Variants in GBE1 observed in about 807,000 individuals in gnomAD.
The protein encoded by GBE1 is 1,4-alpha-glucan branching enzyme 1, also known as 1,4-alpha-glucan-branching enzyme.
In GBE1, 70 loss-of-function variants were observed where a neutral mutation model predicts 88.8. The ratio of observed to expected loss-of-function variants is 0.79; its 90% confidence interval spans 0.65 to 0.96. The LOEUF (loss-of-function observed/expected upper bound fraction) is 0.96. GBE1 is among the 40% of genes least tolerant of loss of function. The pLI, the probability that GBE1 is intolerant of heterozygous loss-of-function variation, is 0.00. For missense variants in GBE1, 872 were observed against 871.0 expected, an observed-to-expected ratio of 1.00 and a Z score of -0.01; for synonymous variants, 284 against 300.1, an observed-to-expected ratio of 0.95 and a Z score of 0.56.
chr3:81,755,557 T>C (rs574132323), intron 1 of GBE1, among the ~76,000 whole-genome samples: 46 of 152,276 alleles, frequency 3.0e-4, no homozygotes, highest in African/African-American at 1.1e-3. Context: ...ATAGCTAAAA[T>C]ATGGAATTAA....
At chr3:81,674,081 T>C (rs1299192753) in intron 2 of GBE1, among the ~76,000 whole-genome samples, 4 of 151,966 alleles carry the variant, frequency 2.6e-5, no homozygotes, top group Admixed American at 6.6e-5. Context: ...AATAAATCCC[T>C]CTTCAGCTAC....
At chr3:81,757,219 C>CTGGT (rs1706615272) in intron 1 of GBE1, among the ~76,000 whole-genome samples, 1 of 152,140 alleles carries the variant, frequency 6.6e-6, no homozygotes, top group Non-Finnish European at 1.5e-5. Flanking sequence ...GCTGCCCTCT[C>CTGGT]CCTTTATGGC....
chr3:81,557,143 C>T lies in GBE1; in HGVS notation c.1619-20048G>A, dbSNP rs140256784. On this transcript the variant is annotated intron_variant, in intron 12 of 15. Coordinates refer to ENST00000429644, the MANE Select transcript of GBE1 (RefSeq NM_000158.4). ...CAGCCAGGATCAGAATGTAGACAGA[C>T]TGGCTCCAAAGCTGAACTTTTAACC... Among the ~76,000 whole-genome samples, 35 of 152,176 alleles carry T rather than the reference C, an allele frequency of 2.3e-4. No homozygotes were observed. The East Asian group carries it at 6.6e-3, about 29-fold the overall frequency.
chr3:81,639,987 T>G (rs905708491), intron 7 of GBE1, among the ~76,000 whole-genome samples: 4 of 152,236 alleles, frequency 2.6e-5, no homozygotes, highest in African/African-American at 9.6e-5. Flanking sequence ...GTTAAGTCAC[T>G]AAATTTTTGG....
chr3:81,710,725 A>G (rs1189753544), intron 1 of GBE1, among the ~76,000 whole-genome samples: 1 of 152,200 alleles, frequency 6.6e-6, no homozygotes, highest in Non-Finnish European at 1.5e-5. Context: ...TGGCAACACT[A>G]TAGTATACTT....
intron 5 of GBE1, among the ~76,000 whole-genome samples, chr3:81,646,791 A>G (rs1328038992): frequency 6.6e-6 from 1 of 152,178 alleles, no homozygotes; most frequent in African/African-American, 2.4e-5. Flanking sequence ...GCTAAACATC[A>G]GTTACACTTG....
chr3:81,586,893 A>G (rs1703809649), intron 9 of GBE1, among the ~76,000 whole-genome samples: 1 of 151,910 alleles, frequency 6.6e-6, no homozygotes, highest in African/African-American at 2.4e-5. Flanking sequence ...GGTTCAAGCA[A>G]TTCTCCTGCC....
intron 2 of GBE1, among the ~76,000 whole-genome samples, chr3:81,701,146 A>G (rs1254403007): frequency 1.3e-5 from 2 of 152,162 alleles, no homozygotes; most frequent in Non-Finnish European, 2.9e-5. Context: ...AATTCATCTC[A>G]GCCCTTTAAA....
chr3:81,629,106 C>A (rs1197805424), intron 7 of GBE1, among the ~76,000 whole-genome samples: 1 of 138,944 alleles, frequency 7.2e-6, no homozygotes, highest in African/African-American at 2.8e-5. Flanking sequence ...TATACATGTG[C>A]CATGCTGGTG....
rs2107207316 is a variant in GBE1, at chr3:81,733,574, C to T, written c.143+27801G>A. On this transcript the variant is annotated intron_variant, in intron 1 of 15. Coordinates refer to ENST00000429644, the MANE Select transcript of GBE1 (RefSeq NM_000158.4). This position sits in a 1 kb window ranked among gnomAD's most constrained non-coding sequence, Gnocchi z 4.0. The stretch of plus-strand genomic sequence containing the variant: ...CACTGGCCATTTCTTAGGTCTGGTA[C>T]ACTCTTCCACCAGACAGTGCATGAC... 6.6e-6 allele frequency among the ~76,000 whole-genome samples: 1 copy of T among 152,194 alleles called. No homozygotes were observed. The highest frequency in any genetic ancestry group is 2.4e-5 in the African/African-American group (1 of 41,532).
At chr3:81,525,973 A>G (rs892838888) in intron 14 of GBE1, among the ~76,000 whole-genome samples, 6 of 152,076 alleles carry the variant, frequency 3.9e-5, no homozygotes, top group African/African-American at 1.2e-4. Context: ...TGATCTTTTC[A>G]AAAAACCAGC....
Position 81,597,460 on chromosome 3 carries a change from CAAATATATATATATATCTCA to C in GBE1, c.993-3457_993-3438del, listed in dbSNP as rs1361273025. Among the ~76,000 whole-genome samples, 3 of 139,828 alleles carry C rather than the reference CAAATATATATATATATCTCA, an allele frequency of 2.1e-5. No homozygotes were observed. The Admixed American group carries it at 2.2e-4, about 10-fold the overall frequency. The allele number at this position is 139,828 out of a possible 152,430, so 91.7% of individuals were successfully genotyped here. On this transcript the variant is annotated intron_variant, in intron 7 of 15. Transcript: ENST00000429644. ...ATATCTCAAAAATATATATATATCT[CAAATATATATATATATCTCA>C]AAATATATATATATATATATATATA... is the stretch of plus-strand genomic sequence containing the variant.
At chr3:81,657,045 A>T (rs537393942) in intron 3 of GBE1, among the ~76,000 whole-genome samples, 1 of 150,840 alleles carries the variant, frequency 6.6e-6, no homozygotes, top group East Asian at 2.0e-4. Context: ...AGTTCCAGCT[A>T]CTCGGGAGGC....
At chr3:81,650,273 C>T (rs2107075733) in intron 3 of GBE1, 1 of 181,760 alleles carries the variant, frequency 5.5e-6, no homozygotes. Context: ...GGGAGAAAAT[C>T]ATCCTACTCC....
At chr3:81,652,889 C>A (rs1031015587) in intron 3 of GBE1, among the ~76,000 whole-genome samples, 3 of 152,138 alleles carry the variant, frequency 2.0e-5, no homozygotes, top group Non-Finnish European at 2.9e-5. Context: ...GTACATCCTG[C>A]ATTTGTGTTA....
At chr3:81,549,277 C>T (rs908371152) in intron 12 of GBE1, among the ~76,000 whole-genome samples, 1 of 151,330 alleles carries the variant, frequency 6.6e-6, no homozygotes, top group African/African-American at 2.4e-5. Flanking sequence ...ATTCACCCTC[C>T]TCAGCCTCCC....
chr3:81,604,674 T>C (rs551227804), intron 7 of GBE1, among the ~76,000 whole-genome samples: 7 of 152,246 alleles, frequency 4.6e-5, no homozygotes, highest in African/African-American at 1.4e-4. Context: ...AACTGGAAAT[T>C]AAGAACAACA....
intron 14 of GBE1, among the ~76,000 whole-genome samples, chr3:81,533,452 G>A (rs1330696399): frequency 6.6e-6 from 1 of 152,064 alleles, no homozygotes; most frequent in Non-Finnish European, 1.5e-5. Context: ...TAGATGCTCT[G>A]ATGTTATGTG....
chr3:81,747,052 G>A (rs114318202), intron 1 of GBE1, among the ~76,000 whole-genome samples: 247 of 152,002 alleles, frequency 1.6e-3, no homozygotes, highest in Non-Finnish European at 2.3e-3. Context: ...AAATAAACCT[G>A]GACTTAAACC....
Sources: gnomAD v4.1 joint callset for allele counts (sites outside exome capture counted in the v4.1 genomes callset) on GRCh38, gnomAD v4.1.1 for gene constraint, Gnocchi (gnomAD v3.1) non-coding constraint, MANE v1.5 for transcripts, NCBI Gene and HGNC (gene_info 2026-07-23, HGNC 2026-07-21) for gene names.